CTNNA3: variants seen among roughly 807,000 people sequenced by gnomAD.
The protein encoded by CTNNA3 is catenin alpha 3.
CTNNA3 carries 76 observed loss-of-function variants against 95.7 expected under a neutral mutation model. The ratio of observed to expected loss-of-function variants is 0.79; its 90% confidence interval spans 0.66 to 0.96. The LOEUF is 0.96. CTNNA3 is among the 40% of genes least tolerant of loss of function. The pLI, the probability that CTNNA3 is intolerant of heterozygous loss-of-function variation, is 0.00. For synonymous variants in CTNNA3, 431 were observed against 374.4 expected, an observed-to-expected ratio of 1.15 and a Z score of -1.74; for missense variants, 1,191 against 1,089.8, an observed-to-expected ratio of 1.09 and a Z score of -1.31.
At chr10:67,320,542 C>T (rs1841272334) in intron 5 of CTNNA3, among the ~76,000 whole-genome samples, 1 of 152,130 alleles carries the variant, frequency 6.6e-6, no homozygotes, top group African/African-American at 2.4e-5. Context: ...GAAAGATGCC[C>T]ACTTGTAGAC....
chr10:67,065,468 T>G (rs1422922669), intron 7 of CTNNA3, among the ~76,000 whole-genome samples: 3 of 152,156 alleles, frequency 2.0e-5, no homozygotes, highest in South Asian at 4.1e-4. Context: ...AAATAAATAT[T>G]GAAAAGTATT....
rs2092303624 is a variant in CTNNA3, at chr10:66,329,849, G to T, written c.1733-49228C>A. On this transcript the variant is annotated intron_variant, in intron 12 of 17. Transcript: ENST00000433211. ...GTCATGAAGCTCAAGTAATTGGACT[G>T]TAAATTAAATTACTGAGTTACAAGG... is the stretch of plus-strand genomic sequence containing the variant. 3.3e-5 allele frequency among the ~76,000 whole-genome samples: 5 copies of T among 151,952 alleles called. No individual in the cohort carries two copies. The South Asian group carries it at 1.0e-3, about 32-fold the overall frequency.
intron 10 of CTNNA3, among the ~76,000 whole-genome samples, chr10:66,613,281 C>T (rs1333288174): frequency 6.6e-6 from 1 of 152,038 alleles, no homozygotes; most frequent in Non-Finnish European, 1.5e-5. Context: ...ACACCACCTC[C>T]GATTTTCCTT....
At chr10:67,237,091 T>C (rs2132319877) in intron 5 of CTNNA3, among the ~76,000 whole-genome samples, 1 of 129,206 alleles carries the variant, frequency 7.7e-6, no homozygotes, top group East Asian at 2.4e-4. Context: ...CAAATGCCCA[T>C]CAATCAATGA....
At chr10:66,460,247 G>T (rs1233804585) in intron 11 of CTNNA3, among the ~76,000 whole-genome samples, 2 of 152,134 alleles carry the variant, frequency 1.3e-5, no homozygotes, top group African/African-American at 4.8e-5. Context: ...GTTTTAAACA[G>T]TTTAATTTAA....
chr10:66,389,724 G>GGAGAGAGAGA (rs3980751), intron 11 of CTNNA3, among the ~76,000 whole-genome samples: 5 of 145,520 alleles, frequency 3.4e-5, no homozygotes, highest in Non-Finnish European at 1.5e-5. Context: ...ATATATATAT[G>GGAGAGAGAGA]GAGAGAGAGA....
intron 13 of CTNNA3, among the ~76,000 whole-genome samples, chr10:66,193,089 C>A (rs1205751510): frequency 6.6e-6 from 1 of 151,990 alleles, no homozygotes; most frequent in Non-Finnish European, 1.5e-5. Flanking sequence ...TTCACGAAAG[C>A]CATTTACAAG....
chr10:66,913,290 A>G (rs1472627232), intron 7 of CTNNA3, among the ~76,000 whole-genome samples: 1 of 150,660 alleles, frequency 6.6e-6, no homozygotes, highest in Admixed American at 6.6e-5. Context: ...AAATGAGTAC[A>G]TAGTAAGAGA....
At chr10:66,621,616 A>T in intron 10 of CTNNA3, 76 bp downstream of exon 10, 1 of 798,728 alleles carries the variant, frequency 1.3e-6, no homozygotes, top group Non-Finnish European at 1.9e-6. Flanking sequence ...AAAAAAAAAT[A>T]GTGTATTTTC....
intron 5 of CTNNA3, among the ~76,000 whole-genome samples, chr10:67,397,434 A>G (rs1564623928): frequency 6.6e-6 from 1 of 152,324 alleles, no homozygotes; most frequent in East Asian, 1.9e-4. Flanking sequence ...AGACTTGTGG[A>G]ACTTTGAACT....
intron 7 of CTNNA3, among the ~76,000 whole-genome samples, chr10:66,905,131 T>C (rs1281888593): frequency 6.6e-6 from 1 of 152,134 alleles, no homozygotes; most frequent in Non-Finnish European, 1.5e-5. Flanking sequence ...CAAATGTCCA[T>C]CAATAATAGA....
intron 5 of CTNNA3, among the ~76,000 whole-genome samples, chr10:67,416,334 G>A (rs1407580513): frequency 5.4e-5 from 7 of 129,264 alleles, no homozygotes; most frequent in South Asian, 2.8e-4. Context: ...ATGACCAGGC[G>A]TGGTGGCTCA....
intron 15 of CTNNA3, among the ~76,000 whole-genome samples, chr10:66,009,772 G>T (rs1346637316): frequency 6.6e-6 from 1 of 152,160 alleles, no homozygotes; most frequent in Non-Finnish European, 1.5e-5. Flanking sequence ...TCTTGAACAA[G>T]ATTGTAAGCA....
At chr10:66,980,567 C>CAGGAA (rs1850370458) in intron 7 of CTNNA3, among the ~76,000 whole-genome samples, 1 of 152,080 alleles carries the variant, frequency 6.6e-6, no homozygotes, top group Non-Finnish European at 1.5e-5. Context: ...GACCTTCCTA[C>CAGGAA]CCACCTGTGA....
At chr10:66,225,390 AAT>A (rs3053735) in intron 13 of CTNNA3, among the ~76,000 whole-genome samples, 4,551 of 125,800 alleles carry the variant, frequency 0.036, 90 homozygotes, top group South Asian at 0.083. Flanking sequence ...ATTTTATTCA[AAT>A]ATATATATAT....
At chr10:65,940,712 G>C (rs1284533638) in intron 17 of CTNNA3, among the ~76,000 whole-genome samples, 1 of 152,060 alleles carries the variant, frequency 6.6e-6, no homozygotes, top group Non-Finnish European at 1.5e-5. Context: ...TATACTCTAA[G>C]CAGTTGAGGG....
chr10:66,068,435 CTG>C (rs1371204105), intron 15 of CTNNA3, among the ~76,000 whole-genome samples: 8 of 152,200 alleles, frequency 5.3e-5, no homozygotes, highest in African/African-American at 1.4e-4. Context: ...TTTTCATAAA[CTG>C]TTTCTCAATT....
At chr10:67,512,009 G>C (rs964265652) in intron 5 of CTNNA3, among the ~76,000 whole-genome samples, 1 of 152,104 alleles carries the variant, frequency 6.6e-6, no homozygotes, top group Non-Finnish European at 1.5e-5. Context: ...TTCTCTGATG[G>C]TAGTTTTTAT....
chr10:66,987,552 TG>T (rs371042884), intron 7 of CTNNA3, among the ~76,000 whole-genome samples: 53 of 152,302 alleles, frequency 3.5e-4, no homozygotes, highest in African/African-American at 1.1e-3. Flanking sequence ...CTCATCCAGT[TG>T]TTATTTACCT....
Sources: gnomAD v4.1 joint callset for allele counts (sites outside exome capture counted in the v4.1 genomes callset) on GRCh38, gnomAD v4.1.1 for gene constraint, MANE v1.5 for transcripts, NCBI Gene and HGNC (gene_info 2026-07-23, HGNC 2026-07-21) for gene names.